The following CCNG1 variants were observed in gnomAD, a reference collection of about 807,000 sequenced individuals.
The protein encoded by CCNG1 is cyclin G1, also known as cyclin-G1.
CCNG1 carries 13 observed loss-of-function variants against 30.0 expected under a neutral mutation model. The observed-to-expected ratio is 0.43, with a 90% CI of 0.28 to 0.69. The LOEUF is 0.69. Ranked by LOEUF, CCNG1 falls within the 30% of genes least tolerant of loss-of-function variation. The pLI is 0.16. For missense variants in CCNG1, 285 were observed against 331.4 expected (o/e 0.86, Z 1.09); for synonymous variants, 110 against 121.5 (o/e 0.91, Z 0.62).
Position 163,441,127 on chromosome 5 carries a change from C to T in CCNG1, c.314C>T (p.Ala105Val). Residue 105 changes from alanine to valine, a missense_variant, in exon 3 of 7, where the codon GCT (alanine) becomes GTT (valine). Ala to Val is a moderately conservative substitution (Grantham distance 64). Coordinates refer to ENST00000340828, the MANE Select transcript of CCNG1 (RefSeq NM_004060.4). ...GTTGGACTGAGCTGCTTTTATTTGG[C>T]TGTAAAATCAATAGAAGAGGAAAGG... ...GCVGLSCFYL[A>V]VKSIEEERNV... 6.2e-7 allele frequency: 1 copy of T among 1,613,850 alleles called. No homozygotes were observed. The highest frequency in any genetic ancestry group is 8.5e-7 in the Non-Finnish European group (1 of 1,179,830).
rs565933874 is a variant in CCNG1, at chr5:163,438,640, G to A, written c.1-617G>A. Among the ~76,000 whole-genome samples the A allele has an allele frequency of 2.6e-5, 4 of 152,280 alleles. No individual in the cohort carries two copies. In the South Asian group the frequency reaches 8.3e-4, roughly 32 times the overall value. On this transcript the variant is annotated intron_variant, in intron 1 of 6. Coordinates refer to ENST00000340828, the MANE Select transcript of CCNG1 (RefSeq NM_004060.4). ...AACTACCATCTGCTTTTCACTTTCGGTATCCTGTCTTACGGTGTTTATTCG... is the reference window on the plus strand; with the variant it reads ...AACTACCATCTGCTTTTCACTTTCGATATCCTGTCTTACGGTGTTTATTCG...
At chr5:163,438,638 C>T (rs1223514013) in intron 1 of CCNG1, among the ~76,000 whole-genome samples, 2 of 152,184 alleles carry the variant, frequency 1.3e-5, no homozygotes, top group East Asian at 1.9e-4. Context: ...TTTTCACTTT[C>T]GGTATCCTGT....
At chr5:163,439,714 G>T in intron 2 of CCNG1, 194 bp downstream of exon 2, 1 of 500,274 alleles carries the variant, frequency 2.0e-6, no homozygotes, top group Non-Finnish European at 3.5e-6. Context: ...CTTAAATTCT[G>T]AAATGAAAAA....
chr5:163,456,668 G>A, the CCNG1 span, among the ~76,000 whole-genome samples: 6 of 152,118 alleles, frequency 3.9e-5, no homozygotes, highest in African/African-American at 1.2e-4. Context: ...TATAGTAAGA[G>A]TTTATTCATG....
chr5:163,440,254 A>G (rs1757736764), intron 2 of CCNG1, among the ~76,000 whole-genome samples: 1 of 152,190 alleles, frequency 6.6e-6, no homozygotes, highest in African/African-American at 2.4e-5. Context: ...CAGACTAATT[A>G]AGCTCTTTAG....
the CCNG1 span, among the ~76,000 whole-genome samples, chr5:163,457,285 C>T: frequency 6.6e-6 from 1 of 152,138 alleles, no homozygotes; most frequent in Non-Finnish European, 1.5e-5. Flanking sequence ...GCATGCGCCA[C>T]CATGCCCGGC....
downstream of CCNG1, chr5:163,450,059 T>TA (rs1366418907): frequency 6.6e-6 from 1 of 152,034 alleles, no homozygotes; most frequent in Non-Finnish European, 1.5e-5. Context: ...AAGACCAGCC[T>TA]AGCCTATATG....
chr5:163,453,892 T>A, the CCNG1 span: 1 of 727,838 alleles, frequency 1.4e-6, no homozygotes, highest in East Asian at 2.9e-5. Context: ...GCATTTTTCT[T>A]CCATTACATA....
the CCNG1 span, chr5:163,456,873 A>T: frequency 8.7e-7 from 1 of 1,148,366 alleles, no homozygotes. Context: ...TCAAATATTT[A>T]TTTGATGATT....
chr5:163,454,467 G>A, the CCNG1 span, among the ~76,000 whole-genome samples: 37 of 151,948 alleles, frequency 2.4e-4, no homozygotes, highest in Admixed American at 7.9e-4. Context: ...TAAGCCTCCC[G>A]AGTAGCTGCG....
chr5:163,441,245 G>A lies in CCNG1; in HGVS notation c.432G>A (p.Lys144=), dbSNP rs2113361560. Residue 144 remains lysine, a synonymous_variant, in exon 3 of 7, where the codon AAG becomes AAA. Coordinates refer to ENST00000340828, the MANE Select transcript of CCNG1 (RefSeq NM_004060.4). Reference sequence around the variant, plus strand: ...GAATGGAAAAGATTGTATTGGAGAAGGTGTGTTGGAAAGTCAAAGCTACTA... The same window carrying A: ...GAATGGAAAAGATTGTATTGGAGAAAGTGTGTTGGAAAGTCAAAGCTACTA... ...LMRMEKIVLE[K]VCWKVKATTA... 1 of 1,613,958 alleles carries A rather than the reference G, an allele frequency of 6.2e-7. No homozygotes were observed. The highest frequency in any genetic ancestry group is 8.5e-7 in the Non-Finnish European group (1 of 1,179,860).
chr5:163,445,729 A>ATGC (rs1758024790), downstream of CCNG1, among the ~76,000 whole-genome samples: 1 of 148,692 alleles, frequency 6.7e-6, no homozygotes, highest in African/African-American at 2.5e-5. Flanking sequence ...AAGTGCTGAG[A>ATGC]TTACAGGCAT....
rs1282490360 is a variant in CCNG1 at position 163,437,595 on chromosome 5, C to G, written c.-210C>G. On this transcript the variant is annotated 5_prime_UTR_variant, in exon 1 of 7. Coordinates refer to ENST00000340828, the MANE Select transcript of CCNG1 (RefSeq NM_004060.4). ...TATTCCTCGTTAGGGCAGGCGCGGC[C>G]CCTTCGGCTCCGAGCTGACCCTGAT... 2 of 152,138 alleles carry G rather than the reference C, an allele frequency of 1.3e-5. No individual in the cohort carries two copies. Among genetic ancestry groups the G allele is most frequent in the African/African-American group, 4.8e-5 (2 of 41,400 alleles). The allele number at this position is 152,138 out of a possible 1,614,324, so 9.4% of individuals were successfully genotyped here.
chr5:163,445,871 TG>T (rs1313143724), downstream of CCNG1: 2 of 152,304 alleles, frequency 1.3e-5, no homozygotes, highest in East Asian at 3.9e-4. Context: ...ATCACTGCTA[TG>T]GATGCTATCC....
At chr5:163,442,348 A>AT (rs1561619009) in intron 5 of CCNG1, 26 bp from the exon 6 acceptor site, 2 of 1,547,072 alleles carry the variant, frequency 1.3e-6, no homozygotes, top group East Asian at 2.3e-5. Context: ...TGGAGTAATA[A>AT]TTTTTTAAAA....
the CCNG1 span, chr5:163,456,804 T>G: frequency 1.3e-6 from 1 of 784,850 alleles, no homozygotes; most frequent in Admixed American, 3.6e-5. Flanking sequence ...AACAATTCAC[T>G]TTAAAAATTC....
the CCNG1 span, chr5:163,456,947 T>G: frequency 6.2e-7 from 1 of 1,609,406 alleles, no homozygotes; most frequent in Non-Finnish European, 8.5e-7. Context: ...GGAATCTCTC[T>G]AATGTAAGCT....
chr5:163,456,315 C>G, the CCNG1 span, among the ~76,000 whole-genome samples: 1 of 152,264 alleles, frequency 6.6e-6, no homozygotes, highest in South Asian at 2.1e-4. Context: ...GAAAGCACAG[C>G]TTTCTTTAAA....
At chr5:163,457,293 G>C in the CCNG1 span, among the ~76,000 whole-genome samples, 5 of 151,996 alleles carry the variant, frequency 3.3e-5, no homozygotes, top group South Asian at 2.1e-4. Flanking sequence ...CACCATGCCC[G>C]GCTAACTTTT....
Sources: gnomAD v4.1 joint callset for allele counts (sites outside exome capture counted in the v4.1 genomes callset) on GRCh38, gnomAD v4.1.1 for gene constraint, MANE v1.5 for transcripts, NCBI Gene and HGNC (gene_info 2026-07-23, HGNC 2026-07-21) for gene names.